Variants in TMC7 observed in about 807,000 individuals in gnomAD.
TMC7 encodes transmembrane channel like 7.
TMC7 carries 54 observed loss-of-function variants against 82.9 expected under a neutral mutation model. The ratio of observed to expected loss-of-function variants is 0.65; its 90% CI spans 0.52 to 0.82. The LOEUF (loss-of-function observed/expected upper bound fraction) is 0.82. TMC7 is among the 40% of genes least tolerant of loss of function. The probability of loss-of-function intolerance (pLI) is 0.00; values close to 1 mark genes in which losing one functional copy is unlikely to be tolerated. For synonymous variants in TMC7, 350 were observed against 337.9 expected, an observed-to-expected ratio of 1.04 and a Z score of -0.39; for missense variants, 820 against 901.2, an observed-to-expected ratio of 0.91 and a Z score of 1.15.
intron 1 of TMC7, among the ~76,000 whole-genome samples, chr16:18,992,339 G>A (rs950544986): frequency 3.9e-5 from 6 of 152,184 alleles, no homozygotes; most frequent in African/African-American, 1.4e-4. Flanking sequence ...GCATTTCTCT[G>A]ATGGCCAGTG....
rs1406221900 is a variant in TMC7 at position 19,030,452 on chromosome 16, C to T, written c.857+83C>T. The T allele has an allele frequency of 2.8e-5, 41 of 1,480,402 alleles. No homozygotes were observed. In the South Asian group the frequency reaches 4.8e-4, roughly 17 times the overall value. The allele number at this position is 1,480,402 out of a possible 1,614,324, so 91.7% of individuals were successfully genotyped here. A position where few individuals can be genotyped will look rare whatever the true frequency, so the allele number is the denominator to read the frequency against. ...GATATGGGAGCTCTGGAAGCCATTG[C>T]CTAAAGGATGAGTGGAGTCCAATGA... On this transcript the variant is annotated intron_variant, in intron 6 of 15. Coordinates refer to ENST00000304381, the MANE Select transcript of TMC7 (RefSeq NM_024847.4).
At chr16:19,005,942 T>A (rs1379261628) in intron 1 of TMC7, among the ~76,000 whole-genome samples, 1 of 152,130 alleles carries the variant, frequency 6.6e-6, no homozygotes, top group Non-Finnish European at 1.5e-5. Flanking sequence ...CCATGTGTCA[T>A]CTACAGTGGG....
intron 11 of TMC7, among the ~76,000 whole-genome samples, chr16:19,046,555 C>A (rs1464939514): frequency 6.6e-6 from 1 of 152,012 alleles, no homozygotes; most frequent in Non-Finnish European, 1.5e-5. Context: ...AATATGGAAG[C>A]CTGGGCACAG....
At chr16:19,034,923 G>A (rs1056669482) in intron 6 of TMC7, among the ~76,000 whole-genome samples, 1 of 152,152 alleles carries the variant, frequency 6.6e-6, no homozygotes, top group Admixed American at 6.6e-5. Flanking sequence ...GTATTAAGGA[G>A]TTTGGATTTT....
At chr16:19,011,297 T>C (rs915386497) in intron 2 of TMC7, among the ~76,000 whole-genome samples, 4 of 151,976 alleles carry the variant, frequency 2.6e-5, no homozygotes, top group African/African-American at 9.7e-5. Context: ...AATTTTCCGA[T>C]TGACCTGGTG....
intron 13 of TMC7, among the ~76,000 whole-genome samples, chr16:19,053,792 T>G (rs1469706474): frequency 3.9e-5 from 6 of 151,948 alleles, no homozygotes; most frequent in Non-Finnish European, 5.9e-5. Context: ...TCATTCCTTC[T>G]CAAGTACTTA....
At chr16:19,023,902 C>T (rs1052420685) in intron 5 of TMC7, among the ~76,000 whole-genome samples, 2 of 152,204 alleles carry the variant, frequency 1.3e-5, no homozygotes, top group African/African-American at 4.8e-5. Flanking sequence ...GGATGAAAGA[C>T]ATAGCTCTTC....
At chr16:18,999,171 T>C (rs1386436470) in intron 1 of TMC7, among the ~76,000 whole-genome samples, 4 of 152,178 alleles carry the variant, frequency 2.6e-5, no homozygotes, top group Non-Finnish European at 5.9e-5. Context: ...AAAAAATGTT[T>C]TATTTTTCTG....
chr16:19,019,774 C>G (rs984789237), intron 3 of TMC7, among the ~76,000 whole-genome samples: 1 of 152,050 alleles, frequency 6.6e-6, no homozygotes, highest in Non-Finnish European at 1.5e-5. Context: ...CCCTGGGAAC[C>G]GGGATTTTGA....
chr16:19,021,780 T>G lies in TMC7; in HGVS notation c.612T>G (p.Ile204Met). Residue 204 changes from isoleucine to methionine, a missense_variant, in exon 4 of 16, where the codon ATT becomes ATG. By Grantham distance (10) the Ile-to-Met change is conservative. Around this residue, in one of 2 missense-constraint regions of TMC7, gnomAD observed 650 missense variants for 669.9 expected, o/e 0.97. Transcript: ENST00000304381. ...YKITNSSFVL[I>M]PFKDMDKQCT... ...TCACCAACAGCAGCTTCGTGCTCAT[T>G]CCTTTCAAAGACATGGGTGAGTGTA... The G allele has an allele frequency of 6.2e-7, 1 of 1,614,182 alleles. No individual in the cohort carries two copies. The highest frequency in any genetic ancestry group is 1.3e-5 in the African/African-American group (1 of 75,070).
At chr16:19,034,384 G>A (rs536887187) in intron 6 of TMC7, among the ~76,000 whole-genome samples, 7 of 151,962 alleles carry the variant, frequency 4.6e-5, no homozygotes, top group African/African-American at 1.7e-4. Flanking sequence ...GGATGATGAG[G>A]TCAGGAGATC....
At chr16:19,005,230 C>T (rs1360366013) in intron 1 of TMC7, among the ~76,000 whole-genome samples, 1 of 152,068 alleles carries the variant, frequency 6.6e-6, no homozygotes, top group African/African-American at 2.4e-5. Context: ...GCTGGGACTA[C>T]AGGCACCCGC....
intron 13 of TMC7, among the ~76,000 whole-genome samples, chr16:19,054,429 T>C (rs911715154): frequency 3.9e-5 from 6 of 152,040 alleles, no homozygotes; most frequent in African/African-American, 1.4e-4. Flanking sequence ...TAAAATGGCA[T>C]GGTAGGCTGG....
rs1275283632 is a variant in TMC7, at chr16:19,063,686, G to GTA, written c.*1844_*1845insAT. ...AAGTTTTCTATTTGTGTGTGTGTGT[G>GTA]TGTGTGTGTGTGATGAACACAACGA... On this transcript the variant is annotated 3_prime_UTR_variant, in exon 16 of 16. Transcript: ENST00000304381. 1 of 151,788 alleles carries GTA rather than the reference G, an allele frequency of 6.6e-6. No individual in the cohort carries two copies. Among genetic ancestry groups the GTA allele is most frequent in the Non-Finnish European group, 1.5e-5 (1 of 67,978 alleles). The allele number at this position is 151,788 out of a possible 1,614,324, so 9.4% of individuals were successfully genotyped here.
At chr16:19,002,528 T>G (rs2039160163) in intron 1 of TMC7, among the ~76,000 whole-genome samples, 1 of 152,176 alleles carries the variant, frequency 6.6e-6, no homozygotes, top group South Asian at 2.1e-4. Flanking sequence ...TGAGCCACAG[T>G]GCCCAGCCCG....
chr16:18,997,105 C>T (rs988465265), intron 1 of TMC7, among the ~76,000 whole-genome samples: 3 of 152,186 alleles, frequency 2.0e-5, no homozygotes, highest in African/African-American at 4.8e-5. Flanking sequence ...TCTGAGGACC[C>T]GAGGTCATAG....
chr16:19,029,889 A>G (rs759992469), intron 5 of TMC7, among the ~76,000 whole-genome samples: 27 of 151,556 alleles, frequency 1.8e-4, no homozygotes, highest in Non-Finnish European at 3.8e-4. Flanking sequence ...ATTTTTTTGT[A>G]TTTTTAGTGA....
intron 1 of TMC7, among the ~76,000 whole-genome samples, chr16:19,003,322 T>A (rs983075220): frequency 1.3e-5 from 2 of 151,936 alleles, no homozygotes; most frequent in East Asian, 1.9e-4. Context: ...TCAAAAAAAA[T>A]AAAAAATACC....
Position 19,056,197 on chromosome 16 carries a change from C to T in TMC7, c.1872-345C>T, listed in dbSNP as rs149385324. Among the ~76,000 whole-genome samples, 1,495 of 151,682 alleles carry T rather than the reference C, an allele frequency of 9.9e-3. 35 individuals are homozygous for T. Among genetic ancestry groups the T allele is most frequent in the African/African-American group, 0.034 (1,408 of 41,326 alleles). On this transcript the variant is annotated intron_variant, in intron 13 of 15. Coordinates refer to ENST00000304381, the MANE Select transcript of TMC7 (RefSeq NM_024847.4). ...CTCCGCCTCCCAGGTTCAAGTGATT[C>T]TCCTACCTCAGCCTCCCAAGTAGCT...
Sources: gnomAD v4.1 joint callset for allele counts (sites outside exome capture counted in the v4.1 genomes callset) on GRCh38, gnomAD v4.1.1 for gene constraint, gnomAD v4.1.1 regional missense constraint, MANE v1.5 for transcripts, NCBI Gene and HGNC (gene_info 2026-07-23, HGNC 2026-07-21) for gene names.